The following ZNF518A variants were observed in gnomAD, a reference collection of about 807,000 sequenced individuals.
ZNF518A encodes zinc finger protein 518A.
ZNF518A carries 47 observed loss-of-function variants against 102.7 expected under a neutral mutation model. The ratio of observed to expected loss-of-function variants is 0.46; its 90% CI spans 0.36 to 0.58. The LOEUF is 0.58. Ranked by LOEUF, ZNF518A falls within the 20% of genes least tolerant of loss-of-function variation. ZNF518A has a pLI of 0.00. For synonymous variants in ZNF518A, 652 were observed against 594.6 expected, an observed-to-expected ratio of 1.10 and a Z score of -1.40; for missense variants, 1,793 against 1,699.8, an observed-to-expected ratio of 1.05 and a Z score of -0.96.
rs2082777605 is a variant in ZNF518A at position 96,157,932 on chromosome 10, G to A, written c.1610G>A (p.Arg537Lys). ...AAAGAAATGACTTTGATATCTCAAA[G>A]GAATAATATGCTTCAAACAATGGAT... ...SEKEMTLISQ[R>K]NNMLQTMDYE... is the part of the protein sequence containing the mutation. The change falls in exon 6 of 6, where the codon AGG (arginine) becomes AAG (lysine). Residue 537 changes from arginine (R) to lysine (K), a missense_variant. Physicochemically the swap from Arg to Lys is conservative, Grantham distance 26. Transcript: ENST00000316045. The A allele has an allele frequency of 1.9e-6, 3 of 1,613,758 alleles. No individual in the cohort carries two copies. The African/African-American group carries it at 4.0e-5, about 22-fold the overall frequency.
intron 1 of ZNF518A, among the ~76,000 whole-genome samples, chr10:96,178,063 A>G (rs1440148971): frequency 6.6e-6 from 1 of 152,118 alleles, no homozygotes; most frequent in East Asian, 1.9e-4. Flanking sequence ...AATTGATAGA[A>G]CAACTAGGCA....
intron 1 of ZNF518A, among the ~76,000 whole-genome samples, chr10:96,175,881 T>C (rs12356471): frequency 0.39 from 23,245 of 58,878 alleles, 4,441 homozygotes; most frequent in East Asian, 0.62. Flanking sequence ...CTCCCTCCCT[T>C]CCTTCCTTCC....
chr10:96,165,470 C>CAAAA (rs35332637), downstream of ZNF518A, among the ~76,000 whole-genome samples: 29 of 112,366 alleles, frequency 2.6e-4, no homozygotes, highest in African/African-American at 8.8e-4. Context: ...CAACAACAAC[C>CAAAA]AAAAAAAAAA....
intron 3 of ZNF518A, among the ~76,000 whole-genome samples, chr10:96,137,542 T>C (rs2081666303): frequency 6.6e-6 from 1 of 152,230 alleles, no homozygotes; most frequent in Admixed American, 6.5e-5. Context: ...TCTTCTTACT[T>C]GACAGAGTTG....
At chr10:96,180,980 A>G (rs1428629681) in intron 1 of ZNF518A, among the ~76,000 whole-genome samples, 1 of 152,122 alleles carries the variant, frequency 6.6e-6, no homozygotes, top group Non-Finnish European at 1.5e-5. Context: ...AAGTGTTCCT[A>G]TTTCTCCACA....
intron 3 of ZNF518A, among the ~76,000 whole-genome samples, chr10:96,136,420 C>T (rs1402442807): frequency 6.7e-6 from 1 of 149,620 alleles, no homozygotes. Context: ...CTTACCTTTC[C>T]CTTTTTGAGA....
In ZNF518A at chr10:96,157,484, T is replaced by A; in HGVS notation, c.1162T>A (p.Ser388Thr). The change falls in exon 6 of 6, where the codon TCA becomes ACA. Residue 388 changes from serine to threonine, a missense_variant. Ser to Thr is a moderately conservative substitution (Grantham distance 58). Coordinates refer to ENST00000316045, the MANE Select transcript of ZNF518A (RefSeq NM_001330736.2). ...HCENNDKAPE[S>T]ESEKPTPLST... ...TGAGAATAATGATAAAGCCCCTGAA[T>A]CAGAGTCAGAGAAGCCAACTCCTCT... The A allele has an allele frequency of 6.2e-7, 1 of 1,613,738 alleles. No individual in the cohort carries two copies. The highest frequency in any genetic ancestry group is 1.1e-5 in the South Asian group (1 of 91,074).
At chr10:96,183,118 T>C (rs2083249750) in intron 1 of ZNF518A, among the ~76,000 whole-genome samples, 1 of 152,258 alleles carries the variant, frequency 6.6e-6, no homozygotes, top group Admixed American at 6.5e-5. Context: ...TAGAGGTGTT[T>C]ATAGTATTCT....
Position 96,159,645 on chromosome 10 carries a change from A to G in ZNF518A, c.3323A>G (p.Lys1108Arg). The G allele has an allele frequency of 8.7e-6, 14 of 1,613,764 alleles. No individual in the cohort carries two copies. The highest frequency in any genetic ancestry group is 1.1e-5 in the Non-Finnish European group (13 of 1,179,794). ...GATGGCAAACAAGCTGTTTTTTTAA[A>G]GTGTGTGATGCCAAATAAAACTGAG... Reference protein sequence around the residue: ...LPDGKQAVFLKCVMPNKTELL... With the variant: ...LPDGKQAVFLRCVMPNKTELL... The change falls in exon 6 of 6, where the codon AAG becomes AGG. Residue 1108 changes from lysine to arginine, a missense_variant. Physicochemically the swap from Lys to Arg is conservative, Grantham distance 26. Transcript: ENST00000316045.
chr10:96,177,078 C>CAA lies in ZNF518A; in HGVS notation n.35+21049_35+21050dup, dbSNP rs141613606. 3.4e-3 allele frequency among the ~76,000 whole-genome samples: 424 copies of CAA among 125,328 alleles called. 1 individual carries two copies. The highest frequency in any genetic ancestry group is 7.0e-3 in the African/African-American group (227 of 32,456). 82.2% of individuals were successfully genotyped at this position (125,328 alleles called of 152,430 possible). ...AGGGCAACAGAGTGAGTCTCTGTCT[C>CAA]AAAAAAAAAAAAAAAAAAATCACAT... On this transcript the variant is annotated intron_variant and non_coding_transcript_variant, in intron 1 of 2. Transcript: ENST00000442635.
At position 96,156,652 on chromosome 10, in the gene ZNF518A, A is replaced by G; in HGVS notation, c.330A>G (p.Val110=). Residue 110 remains valine, a synonymous_variant, in exon 6 of 6, where the codon GTA becomes GTG. Transcript: ENST00000316045. ...HKSERAEEEG[V]KMSAKILNFS... Reference sequence around the variant, plus strand: ...CTGAGAGAGCTGAAGAAGAGGGTGTAAAAATGTCTGCAAAAATACTCAATT... The same window carrying G: ...CTGAGAGAGCTGAAGAAGAGGGTGTGAAAATGTCTGCAAAAATACTCAATT... 4 of 1,613,868 alleles carry G rather than the reference A, an allele frequency of 2.5e-6. No individual in the cohort carries two copies. The South Asian group carries it at 3.3e-5, about 13-fold the overall frequency.
At chr10:96,191,274 G>T (rs2083325257) in intron 1 of ZNF518A, among the ~76,000 whole-genome samples, 1 of 130,954 alleles carries the variant, frequency 7.6e-6, no homozygotes. Flanking sequence ...ACCCAGTCTT[G>T]AGTATGTCTT....
intron 1 of ZNF518A, chr10:96,189,670 G>T: frequency 1.4e-6 from 1 of 718,728 alleles, no homozygotes; most frequent in African/African-American, 1.7e-5. Context: ...CTTCAATGGT[G>T]CTTTTTCTTC....
intron 3 of ZNF518A, among the ~76,000 whole-genome samples, chr10:96,134,026 A>G (rs782393529): frequency 1.3e-5 from 2 of 152,310 alleles, no homozygotes; most frequent in African/African-American, 4.8e-5. Flanking sequence ...GAATTTTCCT[A>G]AAGGTTGAGC....
At chr10:96,181,042 T>A in intron 1 of ZNF518A, among the ~76,000 whole-genome samples, 2 of 152,220 alleles carry the variant, frequency 1.3e-5, no homozygotes, top group Admixed American at 6.5e-5. Context: ...CCATTCTAAC[T>A]GGTGTAAGAT....
At position 96,158,921 on chromosome 10, in the gene ZNF518A, T is replaced by G. The variant is rs1554885252; in HGVS notation, c.2599T>G (p.Ser867Ala). 1 of 1,613,582 alleles carries G rather than the reference T, an allele frequency of 6.2e-7. No individual in the cohort carries two copies. Among genetic ancestry groups the G allele is most frequent in the Admixed American group, 1.7e-5 (1 of 59,940 alleles). Reference protein sequence around the residue: ...LKFGKEKQVSSIPQDVRDSEK... With the variant: ...LKFGKEKQVSAIPQDVRDSEK... ...ATTTGGAAAAGAAAAACAAGTGTCA[T>G]CAATACCACAAGATGTGAGAGATTC... Residue 867 changes from serine to alanine, a missense_variant, in exon 6 of 6, where the codon TCA becomes GCA. By Grantham distance (99) the Ser-to-Ala change is moderately conservative (BLOSUM62 1). This residue lies in a region of ZNF518A where 1,741 missense variants were observed against 1,622.6 expected (regional missense o/e 1.07). Coordinates refer to ENST00000316045, the MANE Select transcript of ZNF518A (RefSeq NM_001330736.2).
intron 1 of ZNF518A, among the ~76,000 whole-genome samples, chr10:96,171,896 C>T: frequency 6.6e-6 from 1 of 152,006 alleles, no homozygotes; most frequent in South Asian, 2.1e-4. Context: ...AAAAAAAAAT[C>T]TTGAAATTAT....
chr10:96,204,668 TC>T (rs781944287), downstream of ZNF518A: 30 of 1,578,910 alleles, frequency 1.9e-5, no homozygotes, highest in African/African-American at 3.6e-4. Flanking sequence ...TCTGTCCTCA[TC>T]CCAAAACCCA....
At chr10:96,193,483 C>T (rs111344421) in intron 1 of ZNF518A, among the ~76,000 whole-genome samples, 54 of 152,108 alleles carry the variant, frequency 3.6e-4, no homozygotes, top group Admixed American at 1.2e-3. Context: ...TTGTGGTGTT[C>T]GGGGATTGAA....
Sources: allele counts gnomAD v4.1 joint callset (sites outside exome capture counted in the v4.1 genomes callset), GRCh38; gene constraint gnomAD v4.1.1; regional missense constraint gnomAD v4.1.1; transcripts MANE v1.5; gene names NCBI Gene and HGNC (gene_info 2026-07-23, HGNC 2026-07-21).